PARD3: variants seen among roughly 807,000 people sequenced by gnomAD.
The protein encoded by PARD3 is partitioning defective 3 homolog.
Under a neutral mutation model 155.4 loss-of-function variants are expected in PARD3, and 75 were observed. The ratio of observed to expected loss-of-function variants is 0.48; its 90% CI spans 0.40 to 0.58. The LOEUF is 0.58. PARD3 is among the 20% of genes least tolerant of loss of function. The pLI is 0.00. For synonymous variants in PARD3, 576 were observed against 610.5 expected (o/e 0.94, Z 0.83); for missense variants, 1,642 against 1,721.7 (o/e 0.95, Z 0.82).
In PARD3 at chr10:34,341,723, G is replaced by T. The variant is rs375241184; in HGVS notation, c.2312C>A (p.Ser771Tyr). 1.0e-4 allele frequency: 161 copies of T among 1,613,744 alleles called. No individual in the cohort carries two copies. Among genetic ancestry groups the T allele is most frequent in the Non-Finnish European group, 1.3e-4 (153 of 1,179,806 alleles). The change falls in exon 16 of 25, where the codon TCT becomes TAT. Residue 771 changes from serine to tyrosine, a missense_variant. Ser to Tyr is a moderately radical substitution (Grantham distance 144). This residue lies in a region of PARD3 where 1,529 missense variants were observed against 1,587.3 expected (regional missense o/e 0.96). Coordinates refer to ENST00000374788, the MANE Select transcript of PARD3 (RefSeq NM_001184785.2). ...DRLPVLPPHLSDQSSSSSHDD... is the reference protein window; with the variant it reads ...DRLPVLPPHLYDQSSSSSHDD... Reference sequence around the variant, plus strand: ...ATGGGAGCTGGAAGAGGACTGGTCAGAGAGATGTGGAGGAAGCACTGGCAA... The same window carrying T: ...ATGGGAGCTGGAAGAGGACTGGTCATAGAGATGTGGAGGAAGCACTGGCAA...
At chr10:34,409,419 A>T (rs960350067) in intron 5 of PARD3, among the ~76,000 whole-genome samples, 1 of 152,230 alleles carries the variant, frequency 6.6e-6, no homozygotes, top group Non-Finnish European at 1.5e-5. Context: ...TTGTCTTCAC[A>T]TTCTTCTTCC....
At chr10:34,225,495 G>A (rs776909238) in intron 22 of PARD3, among the ~76,000 whole-genome samples, 9 of 151,954 alleles carry the variant, frequency 5.9e-5, no homozygotes, top group African/African-American at 9.7e-5. Context: ...ACAGGCACAC[G>A]CCACCACACC....
At chr10:34,366,269 A>G (rs1839958606) in intron 12 of PARD3, among the ~76,000 whole-genome samples, 2 of 152,234 alleles carry the variant, frequency 1.3e-5, no homozygotes, top group South Asian at 4.1e-4. Flanking sequence ...GATATTCAAC[A>G]CTTTATTGTA....
rs886836571 is a variant in PARD3, at chr10:34,575,497, T to C, written c.223-58338A>G. ...CACATAAAGAGCACACCCCTTAGGA[T>C]AGGGTTAGCTTCTGTGTAATAAGAA... On this transcript the variant is annotated intron_variant, in intron 2 of 24. Coordinates refer to ENST00000374788, the MANE Select transcript of PARD3 (RefSeq NM_001184785.2). Among the ~76,000 whole-genome samples the C allele has an allele frequency of 2.6e-5, 4 of 152,224 alleles. No individual in the cohort carries two copies. In the South Asian group the frequency reaches 6.2e-4, roughly 24 times the overall value.
At chr10:34,342,696 G>T (rs1351657946) in intron 15 of PARD3, among the ~76,000 whole-genome samples, 3 of 152,162 alleles carry the variant, frequency 2.0e-5, no homozygotes, top group African/African-American at 7.2e-5. Context: ...ATTTTTAAAA[G>T]TCTGTATTGT....
chr10:34,609,024 CCT>C (rs898059415), intron 2 of PARD3, among the ~76,000 whole-genome samples: 3 of 152,086 alleles, frequency 2.0e-5, no homozygotes, highest in African/African-American at 7.2e-5. Flanking sequence ...CTAGATAACC[CCT>C]GTTAACAGAT....
At chr10:34,506,734 G>A (rs1271032797) in intron 3 of PARD3, among the ~76,000 whole-genome samples, 1 of 152,092 alleles carries the variant, frequency 6.6e-6, no homozygotes, top group Non-Finnish European at 1.5e-5. Flanking sequence ...TTTTATGGAT[G>A]AAAAATGTCA....
At chr10:34,456,307 T>C (rs1208186658) in intron 4 of PARD3, among the ~76,000 whole-genome samples, 1 of 152,218 alleles carries the variant, frequency 6.6e-6, no homozygotes, top group Non-Finnish European at 1.5e-5. Flanking sequence ...AATTTTCTTT[T>C]TTTTCTGAGA....
rs1184156978 is a variant in PARD3, at chr10:34,110,245, A to C, written c.*924T>G. ...GCAGATCAAAATGACTGTCTGGTTT[A>C]TCTCTGTCCCATTCTGTGCCCTTCC... On this transcript the variant is annotated 3_prime_UTR_variant, in exon 25 of 25. Coordinates refer to ENST00000374788, the MANE Select transcript of PARD3 (RefSeq NM_001184785.2). 6 of 152,256 alleles carry C rather than the reference A, an allele frequency of 3.9e-5. No individual in the cohort carries two copies. The highest frequency in any genetic ancestry group is 8.8e-5 in the Non-Finnish European group (6 of 68,060). 9.4% of individuals were successfully genotyped at this position (152,256 alleles called of 1,614,324 possible).
At chr10:34,515,179 T>C (rs1336326063) in intron 3 of PARD3, among the ~76,000 whole-genome samples, 1 of 152,212 alleles carries the variant, frequency 6.6e-6, no homozygotes, top group Non-Finnish European at 1.5e-5. Flanking sequence ...GTAACTAGTG[T>C]ACCACCTGCA....
chr10:34,317,486 T>A, intron 19 of PARD3, 148 bp from the exon 20 acceptor site: 1 of 815,956 alleles, frequency 1.2e-6, no homozygotes, highest in Middle Eastern at 3.6e-4. Context: ...TGTTTAACTT[T>A]GAGTAGAATT....
chr10:34,560,741 C>T (rs1470918619), intron 2 of PARD3, among the ~76,000 whole-genome samples: 5 of 152,230 alleles, frequency 3.3e-5, no homozygotes, highest in South Asian at 2.1e-4. Flanking sequence ...GAAACCATGG[C>T]GTGTCCACTG....
At chr10:34,799,132 C>T (rs143339106) in intron 1 of PARD3, among the ~76,000 whole-genome samples, 1,586 of 152,300 alleles carry the variant, frequency 0.01, 10 homozygotes, top group Middle Eastern at 0.017. Flanking sequence ...ACCTCCACCT[C>T]CCGGGATCAA....
At position 34,272,562 on chromosome 10, in the gene PARD3, T is replaced by C. The variant is rs975340864; in HGVS notation, c.3177-2663A>G. On this transcript the variant is annotated intron_variant, in intron 21 of 24. Coordinates refer to ENST00000374788, the MANE Select transcript of PARD3 (RefSeq NM_001184785.2). The stretch of plus-strand genomic sequence containing the variant: ...CTAGGCAACACAGTAAAACCCTGTC[T>C]CTACAAAAAATGCAAAAATTAGCTG... 3.3e-5 allele frequency among the ~76,000 whole-genome samples: 5 copies of C among 152,022 alleles called. No homozygotes were observed. In the South Asian group the frequency reaches 6.2e-4, roughly 19 times the overall value.
intron 2 of PARD3, among the ~76,000 whole-genome samples, chr10:34,570,378 A>G (rs1161029818): frequency 1.3e-5 from 2 of 152,230 alleles, no homozygotes; most frequent in Non-Finnish European, 2.9e-5. Flanking sequence ...GAGGCACACT[A>G]ATATATTCTT....
chr10:34,438,790 T>G (rs1452346532), intron 5 of PARD3, among the ~76,000 whole-genome samples: 1 of 152,036 alleles, frequency 6.6e-6, no homozygotes, highest in Non-Finnish European at 1.5e-5. Flanking sequence ...AAAGAGACAA[T>G]AACAGAAGGC....
At position 34,302,359 on chromosome 10, in the gene PARD3, G is replaced by C. The variant is rs1957196337; in HGVS notation, c.3065+14748C>G. Among the ~76,000 whole-genome samples, 3 of 152,154 alleles carry C rather than the reference G, an allele frequency of 2.0e-5. No individual in the cohort carries two copies. In the South Asian group the frequency reaches 6.2e-4, roughly 32 times the overall value. On this transcript the variant is annotated intron_variant, in intron 20 of 24. Transcript: ENST00000374788. ...ACCAGGAGGAGTTCTAAAATGCTTTGTATCTATTAATTCCCATTAGCTTCA... is the reference window on the plus strand; with the variant it reads ...ACCAGGAGGAGTTCTAAAATGCTTTCTATCTATTAATTCCCATTAGCTTCA...
At chr10:34,338,179 T>C (rs551743349) in intron 16 of PARD3, among the ~76,000 whole-genome samples, 1 of 152,202 alleles carries the variant, frequency 6.6e-6, no homozygotes, top group Non-Finnish European at 1.5e-5. Flanking sequence ...TAAGTTTAGA[T>C]GACATTTGAT....
chr10:34,769,129 C>T (rs9418115), intron 1 of PARD3, among the ~76,000 whole-genome samples: 43,502 of 152,068 alleles, frequency 0.29, 6,543 homozygotes, highest in East Asian at 0.54. Context: ...ACAAGGTGGC[C>T]CCTTCTGCCC....
Sources: gnomAD v4.1 joint callset for allele counts (sites outside exome capture counted in the v4.1 genomes callset) on GRCh38, gnomAD v4.1.1 for gene constraint, gnomAD v4.1.1 regional missense constraint, MANE v1.5 for transcripts, NCBI Gene and HGNC (gene_info 2026-07-23, HGNC 2026-07-21) for gene names.